PEAK1: variants seen among roughly 807,000 people sequenced by gnomAD.
PEAK1 encodes inactive tyrosine-protein kinase PEAK1.
PEAK1 carries 54 observed loss-of-function variants against 124.7 expected under a neutral mutation model. The ratio of observed to expected loss-of-function variants is 0.43; its 90% CI spans 0.35 to 0.54. The LOEUF (loss-of-function observed/expected upper bound fraction) is 0.54. Among genes scored for constraint, PEAK1 ranks in the 20% least tolerant of loss-of-function variants. PEAK1 has a pLI of 0.01. For synonymous variants in PEAK1, 719 were observed against 760.0 expected, an observed-to-expected ratio of 0.95 and a Z score of 0.89; for missense variants, 2,046 against 2,134.5, an observed-to-expected ratio of 0.96 and a Z score of 0.82.
chr15:77,286,101 T>C (rs1468586229), intron 3 of PEAK1, among the ~76,000 whole-genome samples: 1 of 152,220 alleles, frequency 6.6e-6, no homozygotes. Context: ...TCTTTATTTC[T>C]GCCTTCATTT....
At chr15:77,121,702 A>C (rs115872752) in intron 9 of PEAK1, among the ~76,000 whole-genome samples, 1,776 of 152,220 alleles carry the variant, frequency 0.012, 41 homozygotes, top group African/African-American at 0.04. Flanking sequence ...ATTAGCTCTG[A>C]TTTTTCCATT....
chr15:77,306,458 G>A (rs2064108983), intron 2 of PEAK1, among the ~76,000 whole-genome samples: 1 of 152,110 alleles, frequency 6.6e-6, no homozygotes, highest in African/African-American at 2.4e-5. Flanking sequence ...GATAGATGCA[G>A]GATACTTTCC....
chr15:77,348,887 T>C, intron 2 of PEAK1: 1 of 941,482 alleles, frequency 1.1e-6, no homozygotes, highest in Non-Finnish European at 1.3e-6. Context: ...AGCAATCCTC[T>C]TGCCTTGGCC....
intron 5 of PEAK1, among the ~76,000 whole-genome samples, chr15:77,279,504 C>T (rs556503478): frequency 2.0e-4 from 31 of 152,250 alleles, no homozygotes; most frequent in Non-Finnish European, 2.9e-4. Flanking sequence ...TGAGATGGAG[C>T]CCCTCAAAGG....
chr15:77,278,829 TG>T (rs1198872059), intron 5 of PEAK1: 4 of 220,602 alleles, frequency 1.8e-5, no homozygotes, highest in Admixed American at 7.0e-5. Context: ...CAAAATTTTG[TG>T]GGTTTTTTTT....
rs1304553911 is a variant in PEAK1, at chr15:77,181,001, T to C, written c.926A>G (p.Tyr309Cys). The C allele has an allele frequency of 2.5e-6, 4 of 1,614,184 alleles. No individual in the cohort carries two copies. The highest frequency in any genetic ancestry group is 1.1e-5 in the South Asian group (1 of 91,086). ...KSLQRICAVD[Y>C]DDSYDEILNG... The stretch of plus-strand genomic sequence containing the variant: ...CAGGATTTCATCATAGCTGTCATCA[T>C]AGTCCACAGCACAGATTCTCTGCAG... The change falls in exon 7 of 10, where the codon TAT (tyrosine) becomes TGT (cysteine). Residue 309 changes from tyrosine to cysteine, a missense_variant. By Grantham distance (194) the Tyr-to-Cys change is radical (BLOSUM62 -2). Transcript: ENST00000682557.
At chr15:77,106,822 C>T (rs1051631515), downstream of PEAK1, 1 of 152,158 alleles carries the variant, frequency 6.6e-6, no homozygotes, top group Non-Finnish European at 1.5e-5. Flanking sequence ...TTCAGACCCC[C>T]GATAAACTTG....
chr15:77,247,016 T>G (rs1439519741), intron 6 of PEAK1, among the ~76,000 whole-genome samples: 3 of 152,122 alleles, frequency 2.0e-5, no homozygotes, highest in Non-Finnish European at 4.4e-5. Context: ...AGACTCCGTC[T>G]CAAAAAAATA....
intron 1 of PEAK1, among the ~76,000 whole-genome samples, chr15:77,380,171 CA>C (rs1470626418): frequency 6.6e-6 from 1 of 152,104 alleles, no homozygotes; most frequent in African/African-American, 2.4e-5. Flanking sequence ...CCACCAAAAG[CA>C]AATCAATACT....
At chr15:77,370,245 T>G (rs966040984) in intron 1 of PEAK1, among the ~76,000 whole-genome samples, 4 of 152,168 alleles carry the variant, frequency 2.6e-5, no homozygotes, top group African/African-American at 9.7e-5. Flanking sequence ...CCAAATTCCT[T>G]CCATCCTTCA....
chr15:77,258,916 T>C (rs1488758265), intron 5 of PEAK1, among the ~76,000 whole-genome samples: 1 of 152,188 alleles, frequency 6.6e-6, no homozygotes, highest in Non-Finnish European at 1.5e-5. Flanking sequence ...ACCTAATTTA[T>C]TGAGAGTTTT....
At chr15:77,378,606 C>G (rs774886381) in intron 1 of PEAK1, among the ~76,000 whole-genome samples, 3 of 152,092 alleles carry the variant, frequency 2.0e-5, no homozygotes, top group Non-Finnish European at 4.4e-5. Flanking sequence ...CATTTTATGT[C>G]TTAGTGGTTT....
intron 3 of PEAK1, among the ~76,000 whole-genome samples, chr15:77,285,425 T>C (rs2062874357): frequency 1.3e-5 from 2 of 152,230 alleles, no homozygotes; most frequent in African/African-American, 2.4e-5. Context: ...AGTAAATTCC[T>C]TATATGAAAT....
intron 9 of PEAK1, among the ~76,000 whole-genome samples, chr15:77,126,723 A>C (rs189289997): frequency 3.6e-4 from 55 of 152,340 alleles, no homozygotes; most frequent in African/African-American, 1.2e-3. Flanking sequence ...GACTTGCATA[A>C]AAATACACAG....
At chr15:77,394,567 G>A (rs2070744291) in intron 1 of PEAK1, among the ~76,000 whole-genome samples, 1 of 152,198 alleles carries the variant, frequency 6.6e-6, no homozygotes, top group South Asian at 2.1e-4. Context: ...CGGTGTTACT[G>A]GGCTCAAGGT....
chr15:77,403,417 T>C, intron 1 of PEAK1: 1 of 918,068 alleles, frequency 1.1e-6, no homozygotes, highest in Non-Finnish European at 1.3e-6. Flanking sequence ...ACAACCATGA[T>C]AGGCAATCTT....
At chr15:77,336,323 G>A in intron 2 of PEAK1, 2 of 985,342 alleles carry the variant, frequency 2.0e-6, no homozygotes, top group Non-Finnish European at 2.4e-6. Context: ...TTGCAACGAG[G>A]GCTCACCCTC....
chr15:77,337,255 GA>G (rs890619346), intron 2 of PEAK1: 131 of 916,464 alleles, frequency 1.4e-4, no homozygotes, highest in South Asian at 2.5e-4. Context: ...CTCCACTAGG[GA>G]AAAAAAAAAG....
intron 1 of PEAK1, among the ~76,000 whole-genome samples, chr15:77,379,918 TC>T (rs2069337218): frequency 6.6e-6 from 1 of 152,180 alleles, no homozygotes. Context: ...GGATAACTAC[TC>T]CAAACCTACC....
Sources: allele counts gnomAD v4.1 joint callset (sites outside exome capture counted in the v4.1 genomes callset), GRCh38; gene constraint gnomAD v4.1.1; transcripts MANE v1.5; gene names NCBI Gene and HGNC (gene_info 2026-07-23, HGNC 2026-07-21).